Variants in FBXO28 observed in about 807,000 individuals in gnomAD.
The protein encoded by FBXO28 is F-box only protein 28.
FBXO28 carries 8 observed loss-of-function variants against 38.1 expected under a neutral mutation model. That is an observed-to-expected ratio of 0.21 (90% confidence interval 0.12 to 0.38). The LOEUF (loss-of-function observed/expected upper bound fraction) is 0.38. Among genes scored for constraint, FBXO28 ranks in the 10% least tolerant of loss-of-function variants. The pLI, the probability that FBXO28 is intolerant of heterozygous loss-of-function variation, is 1.00. For missense variants in FBXO28, 345 were observed against 460.6 expected (o/e 0.75, Z 2.30); for synonymous variants, 168 against 173.8 (o/e 0.97, Z 0.26).
intron 3 of FBXO28, among the ~76,000 whole-genome samples, chr1:224,139,860 G>A (rs1226040083): frequency 3.9e-5 from 6 of 152,026 alleles, no homozygotes; most frequent in East Asian, 1.9e-4. Context: ...AGGCTGAGAC[G>A]GGCAGATGGC....
At chr1:224,124,415 T>A (rs901861634) in intron 1 of FBXO28, among the ~76,000 whole-genome samples, 2 of 152,244 alleles carry the variant, frequency 1.3e-5, no homozygotes, top group Non-Finnish European at 2.9e-5. Context: ...GACATGGTCA[T>A]CATCTTTAGG....
chr1:224,157,346 C>T lies in FBXO28; in HGVS notation c.713-6C>T. The T allele has an allele frequency of 6.3e-7, 1 of 1,583,728 alleles. No individual in the cohort carries two copies. Among genetic ancestry groups the T allele is most frequent in the Non-Finnish European group, 8.6e-7 (1 of 1,165,386 alleles). On this transcript the variant is annotated splice_region_variant and splice_polypyrimidine_tract_variant and intron_variant, in intron 4 of 4. Transcript: ENST00000366862. ...TGACTGACCCTTTTGAATTATTCCT[C>T]CACAGTTCCAGGACCGTCTGCAGCC...
chr1:224,114,294 G>C lies in FBXO28; in HGVS notation c.165G>C (p.Pro55=). ...CGCTCCCAGCCCCCGCGCTGGCTCC[G>C]GACCAGCTGCCTCAAAACAACACGC... ...SQALPAPALA[P]DQLPQNNTLV... The change falls in exon 1 of 5, where the codon CCG becomes CCC. Residue 55 remains proline (P), a synonymous_variant. Transcript: ENST00000366862. The C allele has an allele frequency of 6.4e-7, 1 of 1,561,952 alleles. No homozygotes were observed. The highest frequency in any genetic ancestry group is 8.7e-7 in the Non-Finnish European group (1 of 1,153,098).
intron 1 of FBXO28, among the ~76,000 whole-genome samples, chr1:224,118,836 T>TA (rs1558185747): frequency 2.6e-5 from 4 of 152,186 alleles, no homozygotes; most frequent in South Asian, 2.1e-4. Context: ...CCATAGAACT[T>TA]ACCTTGGAAA....
chr1:224,115,011 A>C (rs961685250), intron 1 of FBXO28, among the ~76,000 whole-genome samples: 3 of 152,140 alleles, frequency 2.0e-5, no homozygotes, highest in Admixed American at 2.0e-4. Context: ...AGCCTTGGGA[A>C]ATGACCATTC....
Position 224,118,472 on chromosome 1 carries a change from A to G in FBXO28, c.267+4076A>G, listed in dbSNP as rs115519944. ...ATTAGTGGTTCAGAACATGAATTTGACTAAAGGTTAAGTTGAGAATTCTTG... is the reference window on the plus strand; with the variant it reads ...ATTAGTGGTTCAGAACATGAATTTGGCTAAAGGTTAAGTTGAGAATTCTTG... On this transcript the variant is annotated intron_variant, in intron 1 of 4. Transcript: ENST00000366862. 2.8e-3 allele frequency among the ~76,000 whole-genome samples: 427 copies of G among 152,316 alleles called. 4 individuals carry two copies. The highest frequency in any genetic ancestry group is 9.5e-3 in the African/African-American group (393 of 41,566).
At chr1:224,155,691 G>A (rs1224556411) in intron 4 of FBXO28, among the ~76,000 whole-genome samples, 1 of 152,186 alleles carries the variant, frequency 6.6e-6, no homozygotes, top group Admixed American at 6.5e-5. Context: ...GTAGTACTCA[G>A]TGAGGCAACC....
At chr1:224,141,291 G>A (rs1210254914) in intron 3 of FBXO28, among the ~76,000 whole-genome samples, 5 of 152,020 alleles carry the variant, frequency 3.3e-5, no homozygotes, top group African/African-American at 1.2e-4. Context: ...GCTAACAGGT[G>A]AAACCCTGTC....
At chr1:224,145,068 G>A (rs1021630675) in intron 3 of FBXO28, among the ~76,000 whole-genome samples, 8 of 151,766 alleles carry the variant, frequency 5.3e-5, no homozygotes, top group African/African-American at 1.9e-4. Flanking sequence ...GATCGCTTGA[G>A]GTCAGGCGTT....
intron 3 of FBXO28, among the ~76,000 whole-genome samples, chr1:224,143,218 CAAAAAA>C (rs1161345004): frequency 1.6e-5 from 1 of 63,380 alleles, no homozygotes; most frequent in Admixed American, 1.8e-4. Context: ...GACTCTGTCT[CAAAAAA>C]AAAAAAAAAA....
intron 1 of FBXO28, among the ~76,000 whole-genome samples, chr1:224,123,121 A>G (rs973332320): frequency 6.6e-6 from 1 of 152,066 alleles, no homozygotes; most frequent in Non-Finnish European, 1.5e-5. Flanking sequence ...AGTTCCTTTC[A>G]GTTCTGGAGT....
intron 3 of FBXO28, among the ~76,000 whole-genome samples, chr1:224,150,582 A>G (rs1657620018): frequency 6.6e-6 from 1 of 152,204 alleles, no homozygotes; most frequent in African/African-American, 2.4e-5. Flanking sequence ...CTTTGGAGAT[A>G]TACATGTATA....
At position 224,145,129 on chromosome 1, in the gene FBXO28, A is replaced by G. The variant is rs186757020; in HGVS notation, c.517-8013A>G. Among the ~76,000 whole-genome samples, 7 of 151,722 alleles carry G rather than the reference A, an allele frequency of 4.6e-5. No homozygotes were observed. The East Asian group carries it at 1.4e-3, about 30-fold the overall frequency. ...AAACCCCATCTCTACTAAAAAATAG[A>G]TAAATAAATACTAAAATTAGCCGGG... On this transcript the variant is annotated intron_variant, in intron 3 of 4. Transcript: ENST00000366862.
At chr1:224,130,795 A>G (rs1441192041) in intron 2 of FBXO28, 3 of 447,642 alleles carry the variant, frequency 6.7e-6, no homozygotes, top group Non-Finnish European at 1.2e-5. Context: ...AGGCAAGAAA[A>G]TGAAATACAA....
chr1:224,147,325 A>T (rs1026813084), intron 3 of FBXO28, among the ~76,000 whole-genome samples: 19 of 151,016 alleles, frequency 1.3e-4, no homozygotes, highest in Non-Finnish European at 2.5e-4. Flanking sequence ...CGGGAGGCTG[A>T]GGCAGGAGAA....
At chr1:224,139,995 G>A (rs1037886707) in intron 3 of FBXO28, among the ~76,000 whole-genome samples, 1 of 152,168 alleles carries the variant, frequency 6.6e-6, no homozygotes, top group African/African-American at 2.4e-5. Flanking sequence ...GGCGGCTGAG[G>A]TGGGACGATT....
chr1:224,136,101 G>GTTTT lies in FBXO28; in HGVS notation c.516+1906_516+1909dup, dbSNP rs397982996. Among the ~76,000 whole-genome samples the GTTTT allele has an allele frequency of 5.5e-4, 41 of 75,130 alleles. 17 individuals carry two copies. Among genetic ancestry groups the GTTTT allele is most frequent in the East Asian group, 1.9e-3 (4 of 2,162 alleles). 49.3% of individuals were successfully genotyped at this position (75,130 alleles called of 152,430 possible). On this transcript the variant is annotated intron_variant, in intron 3 of 4. Transcript: ENST00000366862. The stretch of plus-strand genomic sequence containing the variant: ...TTTTGGAAACCATTTGTTGACTTCA[G>GTTTT]TTTTTTTTTTTTTTTTTTTTGAGAT...
chr1:224,132,527 C>A (rs1332375182), intron 2 of FBXO28, among the ~76,000 whole-genome samples: 1 of 151,982 alleles, frequency 6.6e-6, no homozygotes, highest in East Asian at 1.9e-4. Flanking sequence ...GTTCTCAGGC[C>A]GGATGTGATG....
intron 3 of FBXO28, among the ~76,000 whole-genome samples, chr1:224,146,618 C>T (rs1028251950): frequency 2.0e-5 from 3 of 152,018 alleles, no homozygotes; most frequent in African/African-American, 4.8e-5. Flanking sequence ...TCTTGAACTC[C>T]TGCCTCCCTT....
Sources: allele counts gnomAD v4.1 joint callset (sites outside exome capture counted in the v4.1 genomes callset), GRCh38; gene constraint gnomAD v4.1.1; transcripts MANE v1.5; gene names NCBI Gene and HGNC (gene_info 2026-07-23, HGNC 2026-07-21).